The following N4BP2L1 variants were observed in gnomAD, a reference collection of about 807,000 sequenced individuals.
N4BP2L1 encodes the protein NEDD4 binding protein 2 like 1.
N4BP2L1 carries 12 observed loss-of-function variants against 21.2 expected under a neutral mutation model. The observed-to-expected ratio is 0.57, with a 90% CI of 0.36 to 0.92. The LOEUF (loss-of-function observed/expected upper bound fraction) is 0.92, where lower values mean the gene tolerates loss of function less well. Ranked by LOEUF, N4BP2L1 falls within the 40% of genes least tolerant of loss-of-function variation. The pLI is 0.01. For missense variants in N4BP2L1, 259 were observed against 310.6 expected (o/e 0.83, Z 1.25); for synonymous variants, 104 against 112.8 (o/e 0.92, Z 0.49).
At chr13:32,429,205 G>T (rs2074930288), upstream of N4BP2L1, among the ~76,000 whole-genome samples, 1 of 152,232 alleles carries the variant, frequency 6.6e-6, no homozygotes, top group Non-Finnish European at 1.5e-5. Flanking sequence ...TAGCTTTTAG[G>T]AAGGGACTAT....
At chr13:32,407,052 T>A (rs369770501) in intron 3 of N4BP2L1, 198 bp downstream of exon 3, 1 of 593,336 alleles carries the variant, frequency 1.7e-6, no homozygotes, top group Non-Finnish European at 3.0e-6. Flanking sequence ...TATCCTCAAG[T>A]GAGATTAGCA....
At chr13:32,406,786 A>G (rs7328264) in intron 3 of N4BP2L1, 6,692 of 158,408 alleles carry the variant, frequency 0.042, 465 homozygotes, top group African/African-American at 0.15. Context: ...CTGTCTTTAG[A>G]CTAAAATATT....
In N4BP2L1 at chr13:32,427,975, G is replaced by A. The variant is rs1439001820; in HGVS notation, c.108C>T (p.Arg36=). 3.9e-6 allele frequency: 6 copies of A among 1,548,248 alleles called. No individual in the cohort carries two copies. The highest frequency in any genetic ancestry group is 4.4e-6 in the Non-Finnish European group (5 of 1,148,570). ...PRPPPRGTPP[R]RHSFRKHLYL... ...AGAGGTGTTTCCTAAAGCTGTGGCG[G>A]CGAGGAGGTGTCCCCCGCGGGGGCG... Residue 36 remains arginine, a synonymous_variant, in exon 1 of 5, where the codon CGC becomes CGT. Coordinates refer to ENST00000380130, the MANE Select transcript of N4BP2L1 (RefSeq NM_052818.3).
chr13:32,425,359 C>T (rs1593323225), intron 1 of N4BP2L1: 1 of 152,232 alleles, frequency 6.6e-6, no homozygotes, highest in Non-Finnish European at 1.5e-5. Flanking sequence ...CACAATCCAC[C>T]CCATGGCATG....
intron 1 of N4BP2L1, among the ~76,000 whole-genome samples, chr13:32,413,747 C>A (rs546209417): frequency 6.6e-6 from 1 of 152,154 alleles, no homozygotes; most frequent in East Asian, 1.9e-4. Flanking sequence ...TATATTCCCC[C>A]ATCTACAAAT....
intron 1 of N4BP2L1, among the ~76,000 whole-genome samples, chr13:32,427,115 C>T (rs1385814355): frequency 2.6e-5 from 4 of 152,238 alleles, no homozygotes; most frequent in Non-Finnish European, 5.9e-5. Flanking sequence ...CACAAGCCCG[C>T]GTAATTCCCA....
At chr13:32,406,619 G>A (rs59214163) in intron 3 of N4BP2L1, 26,527 of 152,088 alleles carry the variant, frequency 0.17, 2,534 homozygotes, top group East Asian at 0.41. Context: ...ACAGGCGCCC[G>A]CCACCATGCC....
rs769615147 is a variant in N4BP2L1, at chr13:32,403,041, G to A, written c.633C>T (p.Tyr211=). The A allele has an allele frequency of 1.5e-5, 25 of 1,614,138 alleles. No homozygotes were observed. The highest frequency in any genetic ancestry group is 2.1e-5 in the Non-Finnish European group (25 of 1,180,032). Residue 211 remains tyrosine, a synonymous_variant, in exon 5 of 5, where the codon TAC becomes TAT. Coordinates refer to ENST00000380130, the MANE Select transcript of N4BP2L1 (RefSeq NM_052818.3). The part of the protein sequence containing the change: ...NNALPSNNAR[Y]WNSYTEFPNR... The stretch of plus-strand genomic sequence containing the variant: ...TTGGAAACTCTGTGTAGGAATTCCA[G>A]TATCTGGCATTGTTGGAAGGCAATG...
At chr13:32,403,294 C>T (rs1701073670) in intron 4 of N4BP2L1, 94 bp from the exon 5 acceptor site, 2 of 1,322,662 alleles carry the variant, frequency 1.5e-6, no homozygotes, top group Non-Finnish European at 2.1e-6. Context: ...TATTGCAGTC[C>T]CTGTTCTCAG....
At chr13:32,418,571 G>A (rs543889080) in intron 1 of N4BP2L1, among the ~76,000 whole-genome samples, 1 of 152,218 alleles carries the variant, frequency 6.6e-6, no homozygotes, top group Non-Finnish European at 1.5e-5. Context: ...GAGGGCCACT[G>A]CCCACCAGAC....
At chr13:32,418,105 C>T (rs1002102887) in intron 1 of N4BP2L1, among the ~76,000 whole-genome samples, 2 of 152,202 alleles carry the variant, frequency 1.3e-5, no homozygotes, top group Non-Finnish European at 2.9e-5. Context: ...GGGAAAATGT[C>T]TCCAGGGCAT....
chr13:32,401,958 G>T lies in N4BP2L1; in HGVS notation c.*984C>A. 1.0e-6 allele frequency: 1 copy of T among 985,360 alleles called. No individual in the cohort carries two copies. The highest frequency in any genetic ancestry group is 1.2e-6 in the Non-Finnish European group (1 of 829,748). The allele number at this position is 985,360 out of a possible 1,614,324, so 61.0% of individuals were successfully genotyped here. ...AGCATCAGTATAAGAAGACATTCCA[G>T]AGTTGTGAGGACTTGATTGTCTTAA... On this transcript the variant is annotated 3_prime_UTR_variant, in exon 5 of 5. Coordinates refer to ENST00000380130, the MANE Select transcript of N4BP2L1 (RefSeq NM_052818.3).
intron 1 of N4BP2L1, among the ~76,000 whole-genome samples, chr13:32,414,562 G>A (rs1210924181): frequency 2.0e-5 from 3 of 152,080 alleles, no homozygotes; most frequent in Admixed American, 1.3e-4. Flanking sequence ...AAATTTTAGC[G>A]GGGTGCAGTG....
At chr13:32,424,001 T>C (rs1019734820) in intron 1 of N4BP2L1, among the ~76,000 whole-genome samples, 10 of 152,224 alleles carry the variant, frequency 6.6e-5, no homozygotes, top group Non-Finnish European at 1.3e-4. Context: ...GATGCTTTCA[T>C]TGAGGTAGCG....
At chr13:32,415,959 C>T (rs1028547212) in intron 1 of N4BP2L1, 4 of 152,204 alleles carry the variant, frequency 2.6e-5, no homozygotes, top group Non-Finnish European at 5.9e-5. Flanking sequence ...ATTTCCCTAC[C>T]TCTGGCACAT....
chr13:32,425,164 T>C (rs893095278), intron 1 of N4BP2L1: 1 of 152,182 alleles, frequency 6.6e-6, no homozygotes, highest in African/African-American at 2.4e-5. Flanking sequence ...TCTATATACA[T>C]GTGTATTTTT....
upstream of N4BP2L1, chr13:32,428,340 G>C (rs1479323031): frequency 6.0e-6 from 2 of 330,882 alleles, no homozygotes. Context: ...CCCCCGCTCC[G>C]CCTCCTGGTG....
At chr13:32,418,525 G>A (rs541194463) in intron 1 of N4BP2L1, among the ~76,000 whole-genome samples, 2 of 152,314 alleles carry the variant, frequency 1.3e-5, no homozygotes, top group South Asian at 4.1e-4. Context: ...CCACACAGAG[G>A]CTCCACTGGG....
chr13:32,408,568 C>G (rs543537489), intron 1 of N4BP2L1, among the ~76,000 whole-genome samples: 62 of 152,268 alleles, frequency 4.1e-4, no homozygotes, highest in Non-Finnish European at 7.1e-4. Context: ...CACTTGAATC[C>G]TTGCTCGTAC....
Sources: allele counts gnomAD v4.1 joint callset (sites outside exome capture counted in the v4.1 genomes callset), GRCh38; gene constraint gnomAD v4.1.1; transcripts MANE v1.5; gene names NCBI Gene and HGNC (gene_info 2026-07-23, HGNC 2026-07-21).